Variants in MMS22L observed in about 807,000 individuals in gnomAD.
MMS22L encodes the protein protein MMS22-like.
A neutral mutation model predicts 159.1 loss-of-function variants in MMS22L; 74 were observed. The ratio of observed to expected loss-of-function variants is 0.47; its 90% confidence interval spans 0.39 to 0.56. The LOEUF is 0.56. Among genes scored for constraint, MMS22L ranks in the 20% least tolerant of loss-of-function variants. The pLI, the probability that MMS22L is intolerant of heterozygous loss-of-function variation, is 0.00. For missense variants in MMS22L, 1,351 were observed against 1,422.1 expected (o/e 0.95, Z 0.80); for synonymous variants, 517 against 506.9 (o/e 1.02, Z -0.27).
chr6:97,259,681 T>C (rs1814232762), intron 9 of MMS22L: 1 of 117,774 alleles, frequency 8.5e-6, no homozygotes. Flanking sequence ...TGCGAGCCAA[T>C]TCATTATAAT....
chr6:97,283,702 CTA>C (rs1218179161), upstream of MMS22L: 2 of 152,128 alleles, frequency 1.3e-5, no homozygotes, highest in African/African-American at 4.8e-5. Flanking sequence ...CCAACTTGAC[CTA>C]ATTGACGTTT....
chr6:97,177,361 A>AT (rs952140139), intron 18 of MMS22L, among the ~76,000 whole-genome samples: 1 of 152,150 alleles, frequency 6.6e-6, no homozygotes, highest in African/African-American at 2.4e-5. Context: ...GTCTTTGTGT[A>AT]TGTCTTATAT....
intron 14 of MMS22L, among the ~76,000 whole-genome samples, chr6:97,209,483 A>G (rs1346253867): frequency 5.3e-5 from 8 of 151,848 alleles, no homozygotes; most frequent in Admixed American, 2.0e-4. Context: ...GTACTCTTCT[A>G]CCTTCACTGA....
intron 23 of MMS22L, 63 bp downstream of exon 23, chr6:97,151,708 A>T: frequency 7.9e-7 from 1 of 1,269,666 alleles, no homozygotes; most frequent in Non-Finnish European, 1.2e-6. Flanking sequence ...TTATTTAAAA[A>T]ACATGTTGGC....
intron 22 of MMS22L, among the ~76,000 whole-genome samples, chr6:97,158,585 G>A (rs926459308): frequency 2.0e-5 from 3 of 152,160 alleles, no homozygotes; most frequent in African/African-American, 7.2e-5. Flanking sequence ...AGTCACTCGG[G>A]AGCAGCTTGT....
chr6:97,179,318 T>G (rs1390625689), intron 17 of MMS22L, 90 bp downstream of exon 17: 10 of 1,121,380 alleles, frequency 8.9e-6, no homozygotes, highest in Non-Finnish European at 1.2e-5. Flanking sequence ...ATTTTGTATA[T>G]TTTCTATTAA....
At chr6:97,174,567 A>G (rs1803932993) in intron 18 of MMS22L, among the ~76,000 whole-genome samples, 1 of 152,176 alleles carries the variant, frequency 6.6e-6, no homozygotes, top group South Asian at 2.1e-4. Flanking sequence ...TGAATAGGGA[A>G]GGAAGTGAGG....
chr6:97,210,173 T>C (rs1261241903), intron 14 of MMS22L, among the ~76,000 whole-genome samples: 1 of 151,860 alleles, frequency 6.6e-6, no homozygotes, highest in Non-Finnish European at 1.5e-5. Context: ...TTTTGCTTTT[T>C]CCTAAAAATC....
intron 10 of MMS22L, among the ~76,000 whole-genome samples, chr6:97,249,793 T>C (rs2128047470): frequency 6.6e-6 from 1 of 151,106 alleles, no homozygotes; most frequent in Non-Finnish European, 1.5e-5. Context: ...TTTTGTATCA[T>C]TCTTTATTAA....
Position 97,257,746 on chromosome 6 carries a change from C to T in MMS22L, c.943-3013G>A, listed in dbSNP as rs116514610. Among the ~76,000 whole-genome samples, 536 of 152,116 alleles carry T rather than the reference C, an allele frequency of 3.5e-3. 4 individuals carry two copies. The highest frequency in any genetic ancestry group is 0.012 in the African/African-American group (518 of 41,556). ...CTGGTCTATTTTTGTTCTTTCAAGG[C>T]ATCATATTGATGGTACATGATATCA... On this transcript the variant is annotated intron_variant, in intron 9 of 24. Transcript: ENST00000683635.
intron 6 of MMS22L, 60 bp downstream of exon 6, chr6:97,272,644 G>T: frequency 7.0e-7 from 1 of 1,430,284 alleles, no homozygotes; most frequent in Non-Finnish European, 9.6e-7. Flanking sequence ...CTTCTTGAAT[G>T]AATACTCCTT....
At chr6:97,155,236 C>A (rs193224056) in intron 22 of MMS22L, among the ~76,000 whole-genome samples, 1 of 152,114 alleles carries the variant, frequency 6.6e-6, no homozygotes, top group Non-Finnish European at 1.5e-5. Flanking sequence ...TTCTTAATGA[C>A]TCGTGTTTGT....
chr6:97,277,431 A>G (rs1562532553), intron 4 of MMS22L, among the ~76,000 whole-genome samples: 1 of 151,960 alleles, frequency 6.6e-6, no homozygotes, highest in Non-Finnish European at 1.5e-5. Context: ...AATAATAATA[A>G]TAAATAATAA....
At chr6:97,275,197 A>T (rs1816134593) in intron 4 of MMS22L, among the ~76,000 whole-genome samples, 1 of 152,236 alleles carries the variant, frequency 6.6e-6, no homozygotes, top group Non-Finnish European at 1.5e-5. Context: ...TCAGGAGAAA[A>T]ACTAATCAAT....
chr6:97,183,770 A>G (rs1804950282), intron 15 of MMS22L, among the ~76,000 whole-genome samples: 1 of 152,162 alleles, frequency 6.6e-6, no homozygotes, highest in Admixed American at 6.6e-5. Flanking sequence ...CAAGTTCTCT[A>G]TAAGATCCCA....
Position 97,168,176 on chromosome 6 carries a change from C to A in MMS22L, c.2904G>T (p.Arg968=), listed in dbSNP as rs1451675817. The A allele has an allele frequency of 6.2e-7, 1 of 1,613,128 alleles. No individual in the cohort carries two copies. Among genetic ancestry groups the A allele is most frequent in the Admixed American group, 1.7e-5 (1 of 59,890 alleles). The change falls in exon 20 of 25, where the codon CGG becomes CGT. Residue 968 remains arginine, a synonymous_variant. Transcript: ENST00000683635. Reference sequence around the variant, plus strand: ...GTGGCAGCAGTAAACAATCTATGATCCGGAATAGTAATTTTTGGGCTTTAG... The same window carrying A: ...GTGGCAGCAGTAAACAATCTATGATACGGAATAGTAATTTTTGGGCTTTAG... ...ATSKAQKLLF[R]IIDCLLLPHA... is the part of the protein sequence containing the mutation.
intron 19 of MMS22L, among the ~76,000 whole-genome samples, chr6:97,168,729 C>T (rs1172289343): frequency 6.6e-6 from 1 of 152,106 alleles, no homozygotes; most frequent in Admixed American, 6.6e-5. Context: ...AACCTGTTTA[C>T]ACTCACACAT....
intron 4 of MMS22L, among the ~76,000 whole-genome samples, chr6:97,273,681 T>C (rs1202830450): frequency 6.6e-6 from 1 of 152,184 alleles, no homozygotes; most frequent in African/African-American, 2.4e-5. Flanking sequence ...CATAAAATGG[T>C]GCCACCAGTA....
intron 18 of MMS22L, 37 bp from the exon 19 acceptor site, chr6:97,173,259 G>C (rs375125003): frequency 1.6e-5 from 25 of 1,579,212 alleles, no homozygotes; most frequent in Non-Finnish European, 2.1e-5. Flanking sequence ...ACTTCCCAAA[G>C]TTTATACCAT....
Sources: gnomAD v4.1 joint callset for allele counts (sites outside exome capture counted in the v4.1 genomes callset) on GRCh38, gnomAD v4.1.1 for gene constraint, MANE v1.5 for transcripts, NCBI Gene and HGNC (gene_info 2026-07-23, HGNC 2026-07-21) for gene names.